Variants in ANK3 observed in about 807,000 individuals in gnomAD.
ANK3 encodes the protein ankyrin-3.
A neutral mutation model predicts 370.9 loss-of-function variants in ANK3; 57 were observed. The observed-to-expected ratio is 0.15, with a 90% CI of 0.12 to 0.19. ANK3 has a LOEUF of 0.19. Among genes scored for constraint, ANK3 ranks in the 10% least tolerant of loss-of-function variants. The pLI is 1.00. For synonymous variants in ANK3, 1,929 were observed against 1,946.3 expected, an observed-to-expected ratio of 0.99 and a Z score of 0.23; for missense variants, 4,439 against 5,302.1, an observed-to-expected ratio of 0.84 and a Z score of 5.06.
chr10:60,395,698 G>A (rs1393577262), intron 2 of ANK3, among the ~76,000 whole-genome samples: 2 of 150,260 alleles, frequency 1.3e-5, no homozygotes, highest in Non-Finnish European at 2.9e-5. Context: ...ATGTCCTCAG[G>A]CACTTGTGCC....
rs543783311 is a variant in ANK3 at position 60,407,637 on chromosome 10, A to G, written c.97-127998T>C. ...GTGTACGGAAAAGCTGCTACATGCC[A>G]AGATTTATATAAACCATCTTATGAC... is the stretch of plus-strand genomic sequence containing the variant. On this transcript the variant is annotated intron_variant, in intron 2 of 43. Coordinates refer to the ANK3 transcript ENST00000373827. Among the ~76,000 whole-genome samples, 9 of 152,298 alleles carry G rather than the reference A, an allele frequency of 5.9e-5. No homozygotes were observed. In the East Asian group the frequency reaches 1.7e-3, roughly 29 times the overall value.
intron 36 of ANK3, among the ~76,000 whole-genome samples, chr10:60,079,131 C>T (rs1016057012): frequency 2.1e-5 from 3 of 145,066 alleles, no homozygotes; most frequent in Non-Finnish European, 3.0e-5. Context: ...AGAAAACTTC[C>T]CCAGTGTATT....
chr10:60,181,237 G>C (rs964540156), intron 18 of ANK3, 92 bp downstream of exon 18: 8 of 1,094,468 alleles, frequency 7.3e-6, no homozygotes, highest in South Asian at 2.6e-5. Flanking sequence ...ATGATTAAAG[G>C]GTTTGTTCTC....
intron 7 of ANK3, among the ~76,000 whole-genome samples, chr10:60,259,973 G>C (rs1056973455): frequency 6.6e-6 from 1 of 152,108 alleles, no homozygotes; most frequent in Admixed American, 6.5e-5. Flanking sequence ...AACACAATAA[G>C]AAAAATTGTG....
chr10:60,612,873 T>A (rs2133319885), intron 2 of ANK3, among the ~76,000 whole-genome samples: 1 of 152,290 alleles, frequency 6.6e-6, no homozygotes, highest in African/African-American at 2.4e-5. Flanking sequence ...AGTCAGAATT[T>A]CAGTAAAGAC....
At chr10:60,706,499 T>C (rs2079619313) in intron 1 of ANK3, among the ~76,000 whole-genome samples, 1 of 151,730 alleles carries the variant, frequency 6.6e-6, no homozygotes, top group Non-Finnish European at 1.5e-5. Flanking sequence ...CACCAATAAA[T>C]ACTCTTAGTC....
intron 1 of ANK3, among the ~76,000 whole-genome samples, chr10:60,338,793 CGGGAGTTTAATCCCACATCTGT>C (rs1383062085): frequency 1.3e-5 from 2 of 152,176 alleles, no homozygotes; most frequent in African/African-American, 2.4e-5. Flanking sequence ...TCCCCCATAG[CGGGAGTTTAATCCCACATCTGT>C]GGGAGTTTAA....
chr10:60,046,443 A>G (rs2076981494), intron 42 of ANK3, among the ~76,000 whole-genome samples: 2 of 152,194 alleles, frequency 1.3e-5, no homozygotes, highest in African/African-American at 2.4e-5. Context: ...TACTGAATGA[A>G]TCTTTTTGTG....
intron 2 of ANK3, among the ~76,000 whole-genome samples, chr10:60,563,131 T>TA (rs1422369340): frequency 6.6e-6 from 1 of 152,226 alleles, no homozygotes; most frequent in Non-Finnish European, 1.5e-5. Context: ...ACTGGGTTTT[T>TA]AAAAAACCAA....
chr10:60,331,136 G>A (rs531475410), intron 1 of ANK3, among the ~76,000 whole-genome samples: 72 of 152,194 alleles, frequency 4.7e-4, no homozygotes, highest in African/African-American at 1.7e-3. Flanking sequence ...GGCATGGGGA[G>A]GGGGAGCATT....
chr10:60,118,469 T>C (rs1476091663), intron 25 of ANK3, among the ~76,000 whole-genome samples: 1 of 152,140 alleles, frequency 6.6e-6, no homozygotes, highest in Non-Finnish European at 1.5e-5. Flanking sequence ...GGAACCAAGA[T>C]TCTAACCCGT....
intron 2 of ANK3, among the ~76,000 whole-genome samples, chr10:60,499,358 T>C (rs1392116620): frequency 6.6e-6 from 1 of 152,220 alleles, no homozygotes; most frequent in East Asian, 1.9e-4. Flanking sequence ...CAGTTGTCTA[T>C]AAAGTATGAC....
At chr10:60,043,693 T>A (rs995865470) in intron 42 of ANK3, 2 of 985,338 alleles carry the variant, frequency 2.0e-6, no homozygotes, top group African/African-American at 3.5e-5. Flanking sequence ...AAGCCTGTGC[T>A]TTTGGAGTGC....
At chr10:60,079,765 T>C (rs1014388082) in intron 36 of ANK3, among the ~76,000 whole-genome samples, 2 of 151,872 alleles carry the variant, frequency 1.3e-5, no homozygotes, top group African/African-American at 2.4e-5. Flanking sequence ...TTGAGGGCTG[T>C]AGAGATCACC....
intron 24 of ANK3, among the ~76,000 whole-genome samples, chr10:60,136,671 T>C (rs916160751): frequency 6.6e-6 from 1 of 152,194 alleles, no homozygotes; most frequent in Non-Finnish European, 1.5e-5. Context: ...GAGCCCTGAA[T>C]TGGGAGCTAT....
chr10:60,245,108 G>T (rs2097533712), intron 7 of ANK3, among the ~76,000 whole-genome samples: 1 of 152,126 alleles, frequency 6.6e-6, no homozygotes, highest in South Asian at 2.1e-4. Context: ...GGCCGAGCTT[G>T]CAGTGAGCCG....
chr10:60,684,371 C>T (rs944838430), intron 1 of ANK3: 78 of 492,356 alleles, frequency 1.6e-4, no homozygotes, highest in African/African-American at 4.6e-4. Flanking sequence ...ACCTCCCCAG[C>T]GGCTGAGAGA....
chr10:60,386,340 G>A (rs1440887487), intron 1 of ANK3, among the ~76,000 whole-genome samples: 1 of 151,948 alleles, frequency 6.6e-6, no homozygotes, highest in Admixed American at 6.6e-5. Context: ...ACCTTTTAAA[G>A]AAGATACTCA....
At chr10:60,376,540 C>A (rs915512643) in intron 1 of ANK3, among the ~76,000 whole-genome samples, 1 of 152,200 alleles carries the variant, frequency 6.6e-6, no homozygotes, top group Non-Finnish European at 1.5e-5. Context: ...CAAGGCTCTT[C>A]CATGGAGAGC....
Sources: gnomAD v4.1 joint callset for allele counts (sites outside exome capture counted in the v4.1 genomes callset) on GRCh38, gnomAD v4.1.1 for gene constraint, MANE v1.5 for transcripts, NCBI Gene and HGNC (gene_info 2026-07-23, HGNC 2026-07-21) for gene names.